Variants in RUNX2 observed in about 807,000 individuals in gnomAD.
The protein encoded by RUNX2 is RUNX family transcription factor 2.
In RUNX2, 10 loss-of-function variants were observed where a neutral mutation model predicts 51.7. That is an observed-to-expected ratio of 0.19 (90% CI 0.12 to 0.33). The LOEUF is 0.33. RUNX2 is among the 10% of genes least tolerant of loss of function. RUNX2 has a pLI of 1.00. For missense variants in RUNX2, 562 were observed against 691.3 expected, an observed-to-expected ratio of 0.81 and a Z score of 2.10; for synonymous variants, 276 against 273.6, an observed-to-expected ratio of 1.01 and a Z score of -0.09.
At chr6:45,432,079 A>C in intron 4 of RUNX2, 60 bp downstream of exon 4, 1 of 1,493,146 alleles carries the variant, frequency 6.7e-7, no homozygotes, top group Non-Finnish European at 9.3e-7. Context: ...CTTTGATGAA[A>C]TGTAGACTAG....
chr6:45,328,927 T>C, intron 2 of RUNX2, 143 bp downstream of exon 2: 2 of 886,432 alleles, frequency 2.3e-6, no homozygotes. Flanking sequence ...AATTGAAAAA[T>C]GAAATTTCTG....
intron 7 of RUNX2, among the ~76,000 whole-genome samples, chr6:45,515,364 T>C (rs566899425): frequency 6.6e-6 from 1 of 152,194 alleles, no homozygotes; most frequent in Non-Finnish European, 1.5e-5. Context: ...TCTTCAGGGT[T>C]GGTGTGAGGA....
intron 7 of RUNX2, among the ~76,000 whole-genome samples, chr6:45,512,952 G>A (rs1354330091): frequency 2.0e-5 from 3 of 152,104 alleles, no homozygotes; most frequent in Non-Finnish European, 2.9e-5. Context: ...CCTCTGAGTG[G>A]CTAACTCAAG....
chr6:45,485,888 T>G (rs956580242), intron 5 of RUNX2, among the ~76,000 whole-genome samples: 7 of 151,708 alleles, frequency 4.6e-5, no homozygotes, highest in Non-Finnish European at 8.8e-5. Context: ...TTAGTCAAAA[T>G]CAATTGCTCC....
At chr6:45,379,714 A>G (rs1374848822) in intron 2 of RUNX2, among the ~76,000 whole-genome samples, 4 of 152,124 alleles carry the variant, frequency 2.6e-5, no homozygotes, top group African/African-American at 4.8e-5. Context: ...AAAATACAAA[A>G]AAGTATCCGG....
chr6:45,383,785 A>G (rs972715377), intron 2 of RUNX2, among the ~76,000 whole-genome samples: 21 of 150,712 alleles, frequency 1.4e-4, no homozygotes, highest in African/African-American at 5.1e-4. Flanking sequence ...ATGTGGAAAC[A>G]GGACCAAAAG....
chr6:45,468,054 T>G (rs1039375129), intron 5 of RUNX2, among the ~76,000 whole-genome samples: 1 of 152,238 alleles, frequency 6.6e-6, no homozygotes, highest in Non-Finnish European at 1.5e-5. Context: ...CACATGCTAC[T>G]CAACCAAGTA....
chr6:45,428,682 A>G (rs901309281), intron 3 of RUNX2, among the ~76,000 whole-genome samples: 2 of 152,170 alleles, frequency 1.3e-5, no homozygotes, highest in African/African-American at 2.4e-5. Flanking sequence ...AAATGGATGT[A>G]TGTATTTCAC....
intron 2 of RUNX2, among the ~76,000 whole-genome samples, chr6:45,333,247 C>G (rs1787875602): frequency 6.6e-6 from 1 of 151,548 alleles, no homozygotes; most frequent in Admixed American, 6.6e-5. Flanking sequence ...CAAAAAATAA[C>G]AGGGAAATTC....
At chr6:45,518,689 AC>A (rs1311647722) in intron 7 of RUNX2, among the ~76,000 whole-genome samples, 1 of 152,190 alleles carries the variant, frequency 6.6e-6, no homozygotes, top group Non-Finnish European at 1.5e-5. Flanking sequence ...TTTATTTCTG[AC>A]ACATGTACAA....
At chr6:45,455,068 C>A (rs768460820) in intron 5 of RUNX2, among the ~76,000 whole-genome samples, 1 of 152,082 alleles carries the variant, frequency 6.6e-6, no homozygotes, top group African/African-American at 2.4e-5. Context: ...GAGCCGAGAT[C>A]GTGCCATTGC....
At chr6:45,348,876 C>A (rs898455353) in intron 2 of RUNX2, among the ~76,000 whole-genome samples, 1 of 152,102 alleles carries the variant, frequency 6.6e-6, no homozygotes, top group South Asian at 2.1e-4. Flanking sequence ...GGCTTTAGTT[C>A]CCCCATTACA....
At chr6:45,456,241 A>G (rs1017744510) in intron 5 of RUNX2, among the ~76,000 whole-genome samples, 1 of 152,198 alleles carries the variant, frequency 6.6e-6, no homozygotes, top group African/African-American at 2.4e-5. Context: ...ATATTCACAT[A>G]TACTTTTTAT....
chr6:45,503,150 A>G (rs186103763), intron 6 of RUNX2, among the ~76,000 whole-genome samples: 17 of 152,254 alleles, frequency 1.1e-4, no homozygotes, highest in African/African-American at 3.4e-4. Flanking sequence ...ATTTTATGGT[A>G]CCATGAACAT....
intron 5 of RUNX2, among the ~76,000 whole-genome samples, chr6:45,474,788 A>G (rs1460915189): frequency 6.6e-6 from 1 of 152,212 alleles, no homozygotes. Flanking sequence ...TTTATTAAGT[A>G]GAATGGTTGC....
intron 7 of RUNX2, among the ~76,000 whole-genome samples, chr6:45,539,097 C>T (rs1245079617): frequency 6.6e-6 from 1 of 152,174 alleles, no homozygotes; most frequent in Non-Finnish European, 1.5e-5. Context: ...CACACTCACT[C>T]ACACATCTAC....
At chr6:45,367,324 A>T (rs1030912560) in intron 2 of RUNX2, among the ~76,000 whole-genome samples, 2 of 152,194 alleles carry the variant, frequency 1.3e-5, no homozygotes, top group African/African-American at 4.8e-5. Flanking sequence ...AAACATATGA[A>T]GAACATAATG....
Position 45,549,065 on chromosome 6 carries a change from G to C in RUNX2, c.*1760G>C, listed in dbSNP as rs555720589. 2.5e-5 allele frequency: 10 copies of C among 398,378 alleles called. No individual in the cohort carries two copies. In the East Asian group the frequency reaches 3.6e-4, roughly 14 times the overall value. The allele number at this position is 398,378 out of a possible 1,614,324, so 24.7% of individuals were successfully genotyped here. ...GGGCTGTGGAGTTTGGTGTCTACTAGTGTGTATGAATTTGAGCTAGAGTCC... is the reference window on the plus strand; with the variant it reads ...GGGCTGTGGAGTTTGGTGTCTACTACTGTGTATGAATTTGAGCTAGAGTCC... On this transcript the variant is annotated 3_prime_UTR_variant, in exon 9 of 9. Transcript: ENST00000647337.
chr6:45,452,750 A>G (rs1799210589), intron 5 of RUNX2, among the ~76,000 whole-genome samples: 1 of 152,198 alleles, frequency 6.6e-6, no homozygotes, highest in African/African-American at 2.4e-5. Context: ...AAGGGAAAAA[A>G]ATAATCAAGA....
Sources: gnomAD v4.1 joint callset for allele counts (sites outside exome capture counted in the v4.1 genomes callset) on GRCh38, gnomAD v4.1.1 for gene constraint, MANE v1.5 for transcripts, NCBI Gene and HGNC (gene_info 2026-07-23, HGNC 2026-07-21) for gene names.